SNX5: variants seen among roughly 807,000 people sequenced by gnomAD.
The protein encoded by SNX5 is sorting nexin 5.
Under a neutral mutation model 53.9 loss-of-function variants are expected in SNX5, and 31 were observed. The ratio of observed to expected loss-of-function variants is 0.58; its 90% CI spans 0.43 to 0.78. SNX5 has a LOEUF of 0.78. Among genes scored for constraint, SNX5 ranks in the 30% least tolerant of loss-of-function variants. The pLI is 0.00. For missense variants in SNX5, 471 were observed against 478.8 expected, an observed-to-expected ratio of 0.98 and a Z score of 0.15; for synonymous variants, 168 against 171.1, an observed-to-expected ratio of 0.98 and a Z score of 0.14.
chr20:17,948,579 G>A (rs1449471481), intron 10 of SNX5, among the ~76,000 whole-genome samples: 4 of 152,092 alleles, frequency 2.6e-5, no homozygotes, highest in Non-Finnish European at 2.9e-5. Context: ...AACGCTTCAC[G>A]GCTCAAAGGC....
At chr20:17,945,178 T>TGTAGTG (rs1235294811) in intron 11 of SNX5, 1 of 152,256 alleles carries the variant, frequency 6.6e-6, no homozygotes, top group Non-Finnish European at 1.5e-5. Flanking sequence ...GTGATGTTTA[T>TGTAGTG]CAGTCCCTTG....
chr20:17,955,214 T>TA, intron 3 of SNX5, 151 bp downstream of exon 3: 1 of 605,354 alleles, frequency 1.7e-6, no homozygotes, highest in Non-Finnish European at 3.0e-6. Flanking sequence ...TTCCTTCACA[T>TA]ACTTTCCACT....
chr20:17,954,204 A>G (rs888405268), intron 3 of SNX5, 87 bp from the exon 4 acceptor site: 4 of 1,564,904 alleles, frequency 2.6e-6, no homozygotes, highest in Non-Finnish European at 3.5e-6. Context: ...GCTGGTCCAC[A>G]GGAGACAACC....
intron 1 of SNX5, among the ~76,000 whole-genome samples, chr20:17,960,106 C>T (rs939880762): frequency 6.6e-6 from 1 of 152,068 alleles, no homozygotes; most frequent in Admixed American, 6.5e-5. Flanking sequence ...TTCCAGATCC[C>T]TTAGGTCACT....
chr20:17,954,210 C>G, intron 3 of SNX5, 93 bp from the exon 4 acceptor site: 1 of 1,553,002 alleles, frequency 6.4e-7, no homozygotes, highest in Non-Finnish European at 8.7e-7. Flanking sequence ...CCACAGGAGA[C>G]AACCACTCCA....
chr20:17,961,901 A>G (rs533371961), intron 1 of SNX5: 11 of 985,304 alleles, frequency 1.1e-5, no homozygotes, highest in African/African-American at 1.0e-4. Flanking sequence ...GCCTAGTCCA[A>G]TATTTGTTAA....
chr20:17,951,712 G>C (rs2039571060), intron 5 of SNX5, 117 bp from the exon 6 acceptor site: 2 of 666,664 alleles, frequency 3.0e-6, no homozygotes, highest in Non-Finnish European at 5.3e-6. Context: ...AATGCATAAA[G>C]TATCTTTAAT....
intron 1 of SNX5, chr20:17,961,883 C>G: frequency 1.0e-6 from 1 of 985,354 alleles, no homozygotes; most frequent in East Asian, 1.1e-4. Context: ...GAAAGATATC[C>G]ACACCTTGCC....
intron 1 of SNX5, among the ~76,000 whole-genome samples, chr20:17,957,592 G>A (rs1031359929): frequency 2.0e-5 from 3 of 152,176 alleles, no homozygotes; most frequent in East Asian, 1.9e-4. Flanking sequence ...ATAATGTCAT[G>A]TACAATACAT....
intron 10 of SNX5, among the ~76,000 whole-genome samples, chr20:17,948,070 AC>A (rs1168137429): frequency 2.0e-5 from 3 of 152,224 alleles, no homozygotes; most frequent in Admixed American, 1.3e-4. Flanking sequence ...CTGGTAATCT[AC>A]CTTGGAGATC....
intron 1 of SNX5, among the ~76,000 whole-genome samples, chr20:17,960,414 T>C (rs561708249): frequency 3.3e-5 from 5 of 152,178 alleles, no homozygotes; most frequent in African/African-American, 7.2e-5. Context: ...GCCAACACGG[T>C]GAAACCCCGT....
At chr20:17,951,385 C>A in intron 6 of SNX5, 115 bp downstream of exon 6, 1 of 678,948 alleles carries the variant, frequency 1.5e-6, no homozygotes, top group Non-Finnish European at 2.6e-6. Flanking sequence ...CTGAAGAACA[C>A]TTACATGTCT....
chr20:17,947,629 C>T lies in SNX5; in HGVS notation c.935G>A (p.Arg312His), dbSNP rs764745399. ...IEAAKDLLYR[R>H]TKALIDYENS... Reference sequence around the variant, plus strand: ...CTCATAGTCAATGAGGGCTTTGGTGCGTCTGTATAAGAGATCCTGGGAAAA... The same window carrying T: ...CTCATAGTCAATGAGGGCTTTGGTGTGTCTGTATAAGAGATCCTGGGAAAA... Residue 312 changes from arginine to histidine, a missense_variant, in exon 11 of 13, where the codon CGC becomes CAC. By Grantham distance (29) the Arg-to-His change is conservative. Transcript: ENST00000377759. The T allele has an allele frequency of 4.3e-6, 7 of 1,612,894 alleles. No homozygotes were observed. The highest frequency in any genetic ancestry group is 1.7e-4 in the Middle Eastern group (1 of 6,058).
intron 3 of SNX5, among the ~76,000 whole-genome samples, chr20:17,954,644 A>G (rs769719068): frequency 6.6e-6 from 1 of 152,204 alleles, no homozygotes; most frequent in Non-Finnish European, 1.5e-5. Flanking sequence ...AATCTCCTTT[A>G]AAATCAGTTA....
At chr20:17,954,163 T>C (rs200153120) in intron 3 of SNX5, 46 bp from the exon 4 acceptor site, 2 of 1,606,850 alleles carry the variant, frequency 1.2e-6, no homozygotes, top group Admixed American at 1.7e-5. Context: ...CCAGCAGCGA[T>C]GTTTTCTAGT....
chr20:17,943,449 T>A (rs1381298111), intron 11 of SNX5: 7 of 439,308 alleles, frequency 1.6e-5, no homozygotes, highest in Admixed American at 3.9e-5. Context: ...CAGCAGCTTA[T>A]GACTTGGAGA....
intron 1 of SNX5, chr20:17,961,386 T>TA (rs929748153): frequency 3.2e-5 from 32 of 985,054 alleles, no homozygotes; most frequent in Admixed American, 1.2e-4. Context: ...ACAGAAAAAA[T>TA]ACAGTTTTTT....
In SNX5 at chr20:17,947,554, T is replaced by A. The variant is rs369543726; in HGVS notation, c.1010A>T (p.Lys337Met). 6 of 1,614,034 alleles carry A rather than the reference T, an allele frequency of 3.7e-6. No individual in the cohort carries two copies. The highest frequency in any genetic ancestry group is 1.7e-4 in the Middle Eastern group (1 of 6,056). The change falls in exon 11 of 13, where the codon AAG (lysine) becomes ATG (methionine). Residue 337 changes from lysine to methionine, a missense_variant. Physicochemically the swap from Lys to Met is moderately conservative, Grantham distance 95 (BLOSUM62 -1). Coordinates refer to ENST00000377759, the MANE Select transcript of SNX5 (RefSeq NM_014426.4). ...CTCCTGCTGGTGTGCCTCAGCCAAC[T>A]TGACGTCTTTGCTCTTTAACCGGGC... ...DKARLKSKDVKLAEAHQQECC... is the reference protein window; with the variant it reads ...DKARLKSKDVMLAEAHQQECC...
At chr20:17,953,671 T>C (rs2035304480) in intron 4 of SNX5, among the ~76,000 whole-genome samples, 1 of 152,210 alleles carries the variant, frequency 6.6e-6, no homozygotes, top group Non-Finnish European at 1.5e-5. Context: ...GCTTTGTACA[T>C]TATGAGCAAT....
Sources: gnomAD v4.1 joint callset for allele counts (sites outside exome capture counted in the v4.1 genomes callset) on GRCh38, gnomAD v4.1.1 for gene constraint, MANE v1.5 for transcripts, NCBI Gene and HGNC (gene_info 2026-07-23, HGNC 2026-07-21) for gene names.